PAX5: variants seen among roughly 807,000 people sequenced by gnomAD.
The protein encoded by PAX5 is paired box 5, also known as paired box protein Pax-5.
Under a neutral mutation model 43.7 loss-of-function variants are expected in PAX5, and 9 were observed. The observed-to-expected ratio is 0.21, with a 90% CI of 0.12 to 0.36. The LOEUF is 0.36. Among genes scored for constraint, PAX5 ranks in the 10% least tolerant of loss-of-function variants. The pLI is 1.00. For synonymous variants in PAX5, 228 were observed against 214.3 expected (o/e 1.06, Z -0.56); for missense variants, 383 against 532.7 (o/e 0.72, Z 2.77).
At chr9:36,887,162 A>G (rs1173013527) in intron 7 of PAX5, among the ~76,000 whole-genome samples, 1 of 152,220 alleles carries the variant, frequency 6.6e-6, no homozygotes, top group Non-Finnish European at 1.5e-5. Flanking sequence ...ATTATTAAAA[A>G]TGTTTCCCCT....
Position 36,881,977 on chromosome 9 carries a change from G to A in PAX5, c.1012+27C>T, listed in dbSNP as rs200743794. The A allele has an allele frequency of 3.8e-5, 59 of 1,562,604 alleles. No individual in the cohort carries two copies. In the Admixed American group the frequency reaches 9.9e-4, roughly 26 times the overall value. On this transcript the variant is annotated intron_variant, in intron 8 of 9. Transcript: ENST00000358127. ...ACCGAAACCCCGTCCGCTGCCTGCT[G>A]TGGAGACGCCGACAGTGCAAACTCA...
At chr9:36,851,305 G>T (rs953899724) in intron 8 of PAX5, among the ~76,000 whole-genome samples, 4 of 152,164 alleles carry the variant, frequency 2.6e-5, no homozygotes, top group African/African-American at 9.7e-5. Flanking sequence ...TTTCGGTGGG[G>T]CTGGGGGTAG....
intron 3 of PAX5, among the ~76,000 whole-genome samples, chr9:37,008,826 T>A (rs1838690972): frequency 6.6e-6 from 1 of 152,222 alleles, no homozygotes; most frequent in African/African-American, 2.4e-5. Flanking sequence ...ACCAGAAAAC[T>A]CATGGCATTT....
intron 7 of PAX5, among the ~76,000 whole-genome samples, chr9:36,901,497 T>G (rs17391944): frequency 0.043 from 6,594 of 152,270 alleles, 250 homozygotes; most frequent in Admixed American, 0.07. Context: ...AGAGCCTAGC[T>G]TAGAAACCCA....
chr9:36,882,221 T>C lies in PAX5; in HGVS notation c.911-116A>G, dbSNP rs1826494876. 2 of 725,122 alleles carry C rather than the reference T, an allele frequency of 2.8e-6. No homozygotes were observed. The highest frequency in any genetic ancestry group is 5.6e-5 in the East Asian group (2 of 35,490). The allele number at this position is 725,122 out of a possible 1,614,324, so 44.9% of individuals were successfully genotyped here. A position where few individuals can be genotyped will look rare whatever the true frequency, so the allele number is the denominator to read the frequency against. ...CACGTTTGGACGCTGAACGGCAATG[T>C]GCCCCCAGCTCCCCCCTGTCGCTCA... On this transcript the variant is annotated intron_variant, in intron 7 of 9. Transcript: ENST00000358127. This position sits in a 1 kb window ranked among gnomAD's most constrained non-coding sequence, Gnocchi z 4.4.
intron 6 of PAX5, among the ~76,000 whole-genome samples, chr9:36,924,757 A>AAAAGAGAAAGGGAGGGAGGGAGGG (rs1290540223): frequency 1.1e-3 from 118 of 106,896 alleles, no homozygotes; most frequent in African/African-American, 3.9e-3. Context: ...GGAAGGAAGG[A>AAAAGAGAAAGGGAGGGAGGGAGGG]AGGAAGGAAG....
chr9:36,900,780 C>T (rs1413141387), intron 7 of PAX5, among the ~76,000 whole-genome samples: 2 of 152,186 alleles, frequency 1.3e-5, no homozygotes, highest in African/African-American at 4.8e-5. Flanking sequence ...TGTCCATGCC[C>T]CCAGTCCTGA....
intron 8 of PAX5, among the ~76,000 whole-genome samples, chr9:36,868,406 G>A (rs73648159): frequency 0.018 from 2,759 of 152,336 alleles, 45 homozygotes; most frequent in East Asian, 0.07. Flanking sequence ...ACGGGCGCAC[G>A]GGGTCTCTAT....
At chr9:36,966,816 G>A in intron 5 of PAX5, 92 bp from the exon 6 acceptor site, 2 of 1,155,974 alleles carry the variant, frequency 1.7e-6, no homozygotes, top group Non-Finnish European at 2.5e-6. Flanking sequence ...AAGAGGACCT[G>A]ACCCCAACTC....
intron 6 of PAX5, among the ~76,000 whole-genome samples, chr9:36,925,100 A>T (rs549612560): frequency 9.2e-5 from 14 of 152,236 alleles, no homozygotes; most frequent in African/African-American, 3.4e-4. Context: ...GGTGGCAGGC[A>T]GAAGGGGCTG....
Position 37,023,818 on chromosome 9 carries a change from A to G in PAX5, c.47-3017T>C, listed in dbSNP as rs183464950. Among the ~76,000 whole-genome samples, 30 of 152,342 alleles carry G rather than the reference A, an allele frequency of 2.0e-4. No homozygotes were observed. The East Asian group carries it at 5.0e-3, about 25-fold the overall frequency. ...AGAAAGAATGAAGGGGTACACAGAC[A>G]GGCAAACAGGGGCACAGGGAAAGGG... On this transcript the variant is annotated intron_variant, in intron 1 of 9. Transcript: ENST00000358127.
chr9:36,851,744 G>T (rs1329100827), intron 8 of PAX5, among the ~76,000 whole-genome samples: 1 of 152,140 alleles, frequency 6.6e-6, no homozygotes, highest in Non-Finnish European at 1.5e-5. Context: ...GGGAGGAGGG[G>T]CAGGCAGATG....
chr9:36,881,153 C>T (rs963195408), intron 8 of PAX5, among the ~76,000 whole-genome samples: 14 of 152,172 alleles, frequency 9.2e-5, no homozygotes, highest in African/African-American at 3.1e-4. Flanking sequence ...AATGCATACA[C>T]TGTCAAAACA....
chr9:36,917,815 T>C (rs545840380), intron 7 of PAX5, among the ~76,000 whole-genome samples: 3 of 152,400 alleles, frequency 2.0e-5, no homozygotes, highest in East Asian at 1.9e-4. Flanking sequence ...TCCAACAGCA[T>C]GCGCTCCCTT....
intron 7 of PAX5, among the ~76,000 whole-genome samples, chr9:36,890,988 A>C (rs1286061491): frequency 6.6e-6 from 1 of 152,064 alleles, no homozygotes; most frequent in Non-Finnish European, 1.5e-5. Flanking sequence ...AGAATACAAA[A>C]ATTAGCTGGG....
chr9:36,990,829 G>T (rs140752625), intron 5 of PAX5, among the ~76,000 whole-genome samples: 1 of 152,236 alleles, frequency 6.6e-6, no homozygotes. Context: ...TCCAGAGAAG[G>T]CCGGGCGCAG....
chr9:36,898,238 TC>T (rs1011225764), intron 7 of PAX5, among the ~76,000 whole-genome samples: 2 of 152,234 alleles, frequency 1.3e-5, no homozygotes, highest in African/African-American at 4.8e-5. Flanking sequence ...GTTTTAAAGT[TC>T]CACAGGCCAG....
chr9:36,992,124 A>AAC (rs1836994956), intron 5 of PAX5, among the ~76,000 whole-genome samples: 3 of 104,276 alleles, frequency 2.9e-5, no homozygotes, highest in Non-Finnish European at 5.8e-5. Context: ...CCTCGCCCCC[A>AAC]CCCCCCAACC....
intron 8 of PAX5, among the ~76,000 whole-genome samples, chr9:36,863,366 C>T (rs901545763): frequency 4.6e-5 from 7 of 152,230 alleles, no homozygotes; most frequent in South Asian, 2.1e-4. Context: ...TGGTCTCACA[C>T]GAGCCTCCCG....
Sources: allele counts gnomAD v4.1 joint callset (sites outside exome capture counted in the v4.1 genomes callset), GRCh38; gene constraint gnomAD v4.1.1; non-coding constraint Gnocchi (gnomAD v3.1); transcripts MANE v1.5; gene names NCBI Gene and HGNC (gene_info 2026-07-23, HGNC 2026-07-21).